Variants in EPN2 observed in about 807,000 individuals in gnomAD.
EPN2 encodes epsin 2.
Under a neutral mutation model 61.7 loss-of-function variants are expected in EPN2, and 34 were observed. The observed-to-expected ratio is 0.55, with a 90% confidence interval of 0.42 to 0.73. The LOEUF (loss-of-function observed/expected upper bound fraction) is 0.73, where lower values mean the gene tolerates loss of function less well. Ranked by LOEUF, EPN2 falls within the 30% of genes least tolerant of loss-of-function variation. The probability of loss-of-function intolerance (pLI) is 0.00; values close to 1 mark genes in which losing one functional copy is unlikely to be tolerated. For synonymous variants in EPN2, 349 were observed against 353.6 expected, an observed-to-expected ratio of 0.99 and a Z score of 0.15; for missense variants, 714 against 839.2, an observed-to-expected ratio of 0.85 and a Z score of 1.84.
At chr17:19,318,465 G>A (rs968794047) in intron 7 of EPN2, among the ~76,000 whole-genome samples, 2 of 147,504 alleles carry the variant, frequency 1.4e-5, no homozygotes, top group South Asian at 2.1e-4. Flanking sequence ...AGGGAGAATC[G>A]CTTGAACCCG....
intron 9 of EPN2, 89 bp from the exon 10 acceptor site, chr17:19,331,764 G>A: frequency 8.8e-7 from 1 of 1,136,190 alleles, no homozygotes; most frequent in Non-Finnish European, 1.3e-6. Context: ...AGGCAGGCAT[G>A]TCCCCAGGAG....
chr17:19,275,809 TG>T (rs2045300102), intron 1 of EPN2, among the ~76,000 whole-genome samples: 1 of 152,230 alleles, frequency 6.6e-6, no homozygotes, highest in Admixed American at 6.5e-5. Context: ...TACCTAGTTC[TG>T]GGGACTAACT....
intron 1 of EPN2, among the ~76,000 whole-genome samples, chr17:19,262,047 C>T (rs2045146861): frequency 6.6e-6 from 1 of 151,994 alleles, no homozygotes; most frequent in Admixed American, 6.5e-5. Flanking sequence ...ATCAGCCAGG[C>T]ATGGTGGCGC....
chr17:19,308,383 C>T, intron 4 of EPN2: 1 of 985,414 alleles, frequency 1.0e-6, no homozygotes, highest in Non-Finnish European at 1.2e-6. Flanking sequence ...ACAATTAGAA[C>T]ATTTTAAAAT....
intron 6 of EPN2, among the ~76,000 whole-genome samples, chr17:19,312,533 A>G (rs1906193446): frequency 6.6e-6 from 1 of 152,194 alleles, no homozygotes; most frequent in African/African-American, 2.4e-5. Context: ...GCTGTGATGT[A>G]GAGATGACCA....
At chr17:19,253,155 G>A (rs941527120) in intron 1 of EPN2, among the ~76,000 whole-genome samples, 5 of 152,116 alleles carry the variant, frequency 3.3e-5, no homozygotes, top group Admixed American at 6.5e-5. Flanking sequence ...CCTGGTATCC[G>A]TTAACCTACT....
chr17:19,285,481 G>A lies in EPN2; in HGVS notation c.596-139G>A. 3 of 1,314,238 alleles carry A rather than the reference G, an allele frequency of 2.3e-6. No individual in the cohort carries two copies. Among genetic ancestry groups the A allele is most frequent in the East Asian group, 3.0e-5 (1 of 33,508 alleles). The allele number at this position is 1,314,238 out of a possible 1,614,324, so 81.4% of individuals were successfully genotyped here. ...CATGTTCAGGGTCAGAATGTGGTCAGTGGGCTTTTCACAGCTTCCACCGCA... is the reference window on the plus strand; with the variant it reads ...CATGTTCAGGGTCAGAATGTGGTCAATGGGCTTTTCACAGCTTCCACCGCA... On this transcript the variant is annotated intron_variant, in intron 3 of 10. Transcript: ENST00000314728. This position sits in a 1 kb window ranked among gnomAD's most constrained non-coding sequence, Gnocchi z 4.5.
At chr17:19,289,555 G>C (rs2045439483) in intron 4 of EPN2, among the ~76,000 whole-genome samples, 1 of 151,904 alleles carries the variant, frequency 6.6e-6, no homozygotes, top group South Asian at 2.1e-4. Flanking sequence ...GAGGGGTTGA[G>C]TTCAGGACAC....
At chr17:19,324,043 A>G (rs1906757753) in intron 7 of EPN2, among the ~76,000 whole-genome samples, 5 of 152,356 alleles carry the variant, frequency 3.3e-5, no homozygotes, top group Middle Eastern at 6.8e-3. Flanking sequence ...GAGCGGCACA[A>G]TCCATAAGCT....
rs1452690139 is a variant in EPN2 at position 19,335,425 on chromosome 17, C to A, written c.*1171C>A. The A allele has an allele frequency of 1.3e-6, 2 of 1,550,092 alleles. No individual in the cohort carries two copies. Among genetic ancestry groups the A allele is most frequent in the Non-Finnish European group, 1.7e-6 (2 of 1,146,670 alleles). ...TAAAGGCATGCAGGGATTAACAGGA[C>A]TTCTGTTTACAATGGAAATCTGAAA... On this transcript the variant is annotated 3_prime_UTR_variant, in exon 11 of 11. Transcript: ENST00000314728.
intron 4 of EPN2, among the ~76,000 whole-genome samples, chr17:19,295,060 T>C (rs2045501586): frequency 6.6e-6 from 1 of 152,166 alleles, no homozygotes; most frequent in African/African-American, 2.4e-5. Flanking sequence ...CTGTATCATA[T>C]CCTTTTTTAC....
intron 6 of EPN2, 142 bp from the exon 7 acceptor site, chr17:19,312,963 C>T (rs1183956616): frequency 7.5e-6 from 6 of 801,252 alleles, no homozygotes. Flanking sequence ...TGGGACGGCT[C>T]AGTTTCCAAG....
At chr17:19,305,844 A>G (rs934860353) in intron 4 of EPN2, 2 of 152,036 alleles carry the variant, frequency 1.3e-5, no homozygotes, top group African/African-American at 4.8e-5. Flanking sequence ...TTTGAGGGAA[A>G]TGTTGGGCTT....
In EPN2 at chr17:19,304,287, G is replaced by A. The variant is rs138439405; in HGVS notation, c.767-5598G>A. On this transcript the variant is annotated intron_variant, in intron 4 of 10. Transcript: ENST00000314728. Reference sequence around the variant, plus strand: ...GTAGCCAAGGTCATTGCTGATTCAGGAAGTGGCCCCTGGAACCACAGGATG... The same window carrying A: ...GTAGCCAAGGTCATTGCTGATTCAGAAAGTGGCCCCTGGAACCACAGGATG... Among the ~76,000 whole-genome samples the A allele has an allele frequency of 3.6e-3, 542 of 152,242 alleles. 1 individual carries two copies. The highest frequency in any genetic ancestry group is 0.014 in the Middle Eastern group (4 of 294).
chr17:19,329,399 A>G, intron 8 of EPN2, 162 bp from the exon 9 acceptor site: 1 of 594,180 alleles, frequency 1.7e-6, no homozygotes, highest in Non-Finnish European at 3.0e-6. Flanking sequence ...TGGTGACCCC[A>G]GGCTGTCTTG....
At position 19,304,508 on chromosome 17, in the gene EPN2, G is replaced by A. The variant is rs138130584; in HGVS notation, c.767-5377G>A. 2.9e-3 allele frequency among the ~76,000 whole-genome samples: 440 copies of A among 152,296 alleles called. 4 individuals carry two copies. The highest frequency in any genetic ancestry group is 9.1e-3 in the African/African-American group (380 of 41,568). ...TCCTCGGAGGCCTGGGAAGGGCCAC[G>A]CTTTCTGTGTGTGACGTGGAGGGTG... On this transcript the variant is annotated intron_variant, in intron 4 of 10. Transcript: ENST00000314728.
At chr17:19,289,597 G>A (rs997157527) in intron 4 of EPN2, among the ~76,000 whole-genome samples, 1 of 152,052 alleles carries the variant, frequency 6.6e-6, no homozygotes, top group African/African-American at 2.4e-5. Context: ...GCAAGTGGAG[G>A]TGTCAAGAAG....
intron 7 of EPN2, among the ~76,000 whole-genome samples, chr17:19,319,186 AC>A (rs1233094846): frequency 6.6e-6 from 1 of 151,018 alleles, no homozygotes; most frequent in Non-Finnish European, 1.5e-5. Flanking sequence ...CAACAGTGAG[AC>A]CCTGTCTCAA....
intron 6 of EPN2, among the ~76,000 whole-genome samples, chr17:19,312,620 G>A (rs781465375): frequency 6.6e-5 from 10 of 152,202 alleles, no homozygotes; most frequent in Non-Finnish European, 1.5e-4. Context: ...AGGCCCCGGG[G>A]CTCCATTGGC....
Sources: allele counts gnomAD v4.1 joint callset (sites outside exome capture counted in the v4.1 genomes callset), GRCh38; gene constraint gnomAD v4.1.1; non-coding constraint Gnocchi (gnomAD v3.1); transcripts MANE v1.5; gene names NCBI Gene and HGNC (gene_info 2026-07-23, HGNC 2026-07-21).